Variants in EIF2D observed in about 807,000 individuals in gnomAD.
EIF2D encodes the protein hepatocellular carcinoma-associated antigen 56.
In EIF2D, 56 loss-of-function variants were observed where a neutral mutation model predicts 77.4. The observed-to-expected ratio is 0.72, with a 90% confidence interval of 0.58 to 0.90. EIF2D has a LOEUF of 0.90. Among genes scored for constraint, EIF2D ranks in the 40% least tolerant of loss-of-function variants. The pLI is 0.00. For synonymous variants in EIF2D, 230 were observed against 271.0 expected (o/e 0.85, Z 1.49); for missense variants, 574 against 706.5 (o/e 0.81, Z 2.13).
exon 6 of EIF2D, chr1:206,571,455 A>G (rs1668446988): frequency 6.6e-6 from 1 of 152,184 alleles, no homozygotes; most frequent in African/African-American, 2.4e-5. Context: ...CCCACCGTCC[A>G]TCCTTAATTA....
Position 206,611,307 on chromosome 1 carries a change from C to T in EIF2D, c.124G>A (p.Val42Ile). 1 of 1,614,218 alleles carries T rather than the reference C, an allele frequency of 6.2e-7. No individual in the cohort carries two copies. Among genetic ancestry groups the T allele is most frequent in the Non-Finnish European group, 8.5e-7 (1 of 1,180,034 alleles). ...ATGTTGAGCTCCTCCTTTCCAGGTA[C>T]TAACTCAGAGACTTGATCAGTTCCA... Reference protein sequence around the residue: ...TLGTDQVSELVPGKEELNIVK... With the variant: ...TLGTDQVSELIPGKEELNIVK... The change falls in exon 2 of 15, where the codon GTA becomes ATA. Residue 42 changes from valine to isoleucine, a missense_variant. Val to Ile is a conservative substitution (Grantham distance 29). Transcript: ENST00000271764.
intron 4 of EIF2D, among the ~76,000 whole-genome samples, chr1:206,607,577 A>G (rs1001579678): frequency 2.0e-5 from 3 of 152,170 alleles, no homozygotes; most frequent in Non-Finnish European, 4.4e-5. Flanking sequence ...TGAGCAACAG[A>G]GTGAGATCCT....
At chr1:206,585,112 T>C (rs1256930058) in intron 2 of EIF2D, 1 of 1,202,134 alleles carries the variant, frequency 8.3e-7, no homozygotes, top group African/African-American at 1.5e-5. Context: ...TTCCAATCCT[T>C]TCCCGCAAGC....
chr1:206,575,773 GAA>G (rs1553405101), intron 4 of EIF2D, among the ~76,000 whole-genome samples: 1 of 152,246 alleles, frequency 6.6e-6, no homozygotes, highest in East Asian at 1.9e-4. Flanking sequence ...CCTGAGAGGG[GAA>G]GTAGCTCCCC....
chr1:206,583,433 T>A, intron 2 of EIF2D: 3 of 1,218,618 alleles, frequency 2.5e-6, no homozygotes, highest in Non-Finnish European at 3.6e-6. Context: ...CGCTTCGGGT[T>A]TGGCGCCTCT....
At chr1:206,573,795 G>A (rs1233412880) in intron 4 of EIF2D, among the ~76,000 whole-genome samples, 2 of 152,192 alleles carry the variant, frequency 1.3e-5, no homozygotes, top group African/African-American at 4.8e-5. Context: ...ATCACTTGAG[G>A]CCAGGAGTTT....
intron 3 of EIF2D, among the ~76,000 whole-genome samples, chr1:206,608,881 G>C (rs1213260046): frequency 6.6e-6 from 1 of 151,996 alleles, no homozygotes; most frequent in South Asian, 2.1e-4. Flanking sequence ...ATGAAACCCT[G>C]TCTCTACTAA....
chr1:206,600,343 G>A (rs782071514), intron 7 of EIF2D, 35 bp from the exon 8 acceptor site: 1 of 1,602,660 alleles, frequency 6.2e-7, no homozygotes, highest in South Asian at 1.1e-5. Flanking sequence ...TTAAACTAAT[G>A]AGCAGTCATA....
Position 206,584,436 on chromosome 1 carries a change from G to T in EIF2D, c.139-3274C>A, listed in dbSNP as rs150163860. ...TTCATCAAAGTGCATCTGAAACTCC[G>T]GCGGCCTGTGACGGTGCCTGCTGGG... On this transcript the variant is annotated intron_variant and NMD_transcript_variant, in intron 2 of 5. Coordinates refer to the EIF2D transcript ENST00000472709. This position sits in a 1 kb window ranked among gnomAD's most constrained non-coding sequence, Gnocchi z 4.9. The T allele has an allele frequency of 6.1e-5, 99 of 1,614,110 alleles. No homozygotes were observed. In the African/African-American group the frequency reaches 1.1e-3, roughly 18 times the overall value.
intron 14 of EIF2D, among the ~76,000 whole-genome samples, 153 bp downstream of exon 14, chr1:206,593,466 G>GGAGA (rs781913118): frequency 0.024 from 2,417 of 100,652 alleles, 30 homozygotes; most frequent in South Asian, 0.13. Context: ...AAAACTAAAT[G>GGAGA]GAGAGAGAGA....
chr1:206,595,630 C>A (rs781963061), intron 13 of EIF2D, 88 bp downstream of exon 13: 7 of 1,505,188 alleles, frequency 4.7e-6, no homozygotes, highest in Non-Finnish European at 6.3e-6. Context: ...TGAGGCCAAT[C>A]TAAAAACCTC....
rs374139254 is a variant in EIF2D at position 206,603,102 on chromosome 1, C to A, written c.633G>T (p.Leu211=). The change falls in exon 6 of 15, where the codon CTG becomes CTT. Residue 211 remains leucine (L), a synonymous_variant. Coordinates refer to ENST00000271764, the MANE Select transcript of EIF2D (RefSeq NM_006893.3). ...EKGSVQMDST[L]QGDMRHMTLE... ...GGGTCATGTGCCTCATGTCTCCCTG[C>A]AGGGTGGAGTCCATCTGGACAGACC... The A allele has an allele frequency of 2.0e-5, 33 of 1,614,056 alleles. No homozygotes were observed. The highest frequency in any genetic ancestry group is 2.7e-5 in the African/African-American group (2 of 74,908).
intron 1 of EIF2D, 38 bp from the exon 2 acceptor site, chr1:206,611,412 A>G: frequency 6.4e-7 from 1 of 1,553,372 alleles, no homozygotes; most frequent in Non-Finnish European, 8.8e-7. Context: ...TGCTGCCTGG[A>G]CAGACTTTTA....
At chr1:206,580,443 T>C (rs2297551) in intron 4 of EIF2D, among the ~76,000 whole-genome samples, 26,226 of 152,104 alleles carry the variant, frequency 0.17, 2,487 homozygotes, top group Middle Eastern at 0.36. Flanking sequence ...GAGTGTATAA[T>C]AGTAACCAGA....
At chr1:206,581,879 G>A (rs1668895845) in intron 2 of EIF2D, among the ~76,000 whole-genome samples, 1 of 152,110 alleles carries the variant, frequency 6.6e-6, no homozygotes. Flanking sequence ...GCTCTGTCAC[G>A]GAGGGGGGGC....
chr1:206,581,126 C>A (rs1358923905), exon 3 of EIF2D: 3 of 152,258 alleles, frequency 2.0e-5, no homozygotes, highest in Non-Finnish European at 4.4e-5. Context: ...CAGGGGACCA[C>A]AGGCATGTTT....
intron 11 of EIF2D, among the ~76,000 whole-genome samples, chr1:206,598,016 A>G (rs1471189365): frequency 2.6e-5 from 4 of 152,098 alleles, no homozygotes; most frequent in Non-Finnish European, 4.4e-5. Flanking sequence ...CTTTTTTATC[A>G]TGATGATGTT....
chr1:206,580,154 G>GAGAT (rs1344633367), intron 4 of EIF2D, among the ~76,000 whole-genome samples: 1 of 151,976 alleles, frequency 6.6e-6, no homozygotes, highest in Admixed American at 6.6e-5. Flanking sequence ...GGGAAGGGGA[G>GAGAT]AGATAGATGG....
intron 4 of EIF2D, among the ~76,000 whole-genome samples, chr1:206,578,261 T>C (rs1668733601): frequency 6.6e-6 from 1 of 151,014 alleles, no homozygotes; most frequent in African/African-American, 2.4e-5. Flanking sequence ...TGTGTGTGTG[T>C]GTAAGTAGAT....
Sources: gnomAD v4.1 joint callset for allele counts (sites outside exome capture counted in the v4.1 genomes callset) on GRCh38, gnomAD v4.1.1 for gene constraint, Gnocchi (gnomAD v3.1) non-coding constraint, MANE v1.5 for transcripts, NCBI Gene and HGNC (gene_info 2026-07-23, HGNC 2026-07-21) for gene names.